Variants in ATRN observed in about 807,000 individuals in gnomAD.
The protein encoded by ATRN is attractin.
ATRN carries 54 observed loss-of-function variants against 178.7 expected under a neutral mutation model. The ratio of observed to expected loss-of-function variants is 0.30; its 90% CI spans 0.24 to 0.38. The LOEUF (loss-of-function observed/expected upper bound fraction) is 0.38, where lower values mean the gene tolerates loss of function less well. Ranked by LOEUF, ATRN falls within the 10% of genes least tolerant of loss-of-function variation. ATRN has a pLI of 1.00. For missense variants in ATRN, 1,443 were observed against 1,815.1 expected, an observed-to-expected ratio of 0.79 and a Z score of 3.73; for synonymous variants, 636 against 663.0, an observed-to-expected ratio of 0.96 and a Z score of 0.63.
intron 1 of ATRN, among the ~76,000 whole-genome samples, chr20:3,491,651 C>G (rs2084795669): frequency 6.6e-6 from 1 of 152,128 alleles, no homozygotes; most frequent in South Asian, 2.1e-4. Context: ...TATTCCAAGC[C>G]TGTTTGACCC....
At chr20:3,520,882 A>G (rs1387434841) in intron 1 of ATRN, among the ~76,000 whole-genome samples, 1 of 152,262 alleles carries the variant, frequency 6.6e-6, no homozygotes, top group Non-Finnish European at 1.5e-5. Flanking sequence ...ATAGATGGAA[A>G]GAACAAAATT....
intron 1 of ATRN, among the ~76,000 whole-genome samples, chr20:3,487,816 T>C (rs2084717547): frequency 1.3e-5 from 2 of 152,186 alleles, no homozygotes; most frequent in Non-Finnish European, 1.5e-5. Context: ...TATGAAGTCA[T>C]TGGGAGGGAT....
rs1404855831 is a variant in ATRN, at chr20:3,650,406, T to A, written c.*3559T>A. The stretch of plus-strand genomic sequence containing the variant: ...TAGAATTAAAACAAAATCCAAGTCC[T>A]CACACCCCTGTCATCCCAGGAGATC... On this transcript the variant is annotated 3_prime_UTR_variant, in exon 29 of 29. Coordinates refer to ENST00000262919, the MANE Select transcript of ATRN (RefSeq NM_139321.3). The A allele has an allele frequency of 6.6e-6, 1 of 152,650 alleles. No homozygotes were observed. Among genetic ancestry groups the A allele is most frequent in the East Asian group, 1.9e-4 (1 of 5,194 alleles). The allele number at this position is 152,650 out of a possible 1,614,324, so 9.5% of individuals were successfully genotyped here.
intron 24 of ATRN, among the ~76,000 whole-genome samples, chr20:3,612,385 T>A (rs971762087): frequency 6.6e-6 from 1 of 152,222 alleles, no homozygotes; most frequent in African/African-American, 2.4e-5. Flanking sequence ...CTCTGACTTC[T>A]TAGGACTCTG....
At chr20:3,483,740 C>T (rs1241456375) in intron 1 of ATRN, among the ~76,000 whole-genome samples, 5 of 152,024 alleles carry the variant, frequency 3.3e-5, no homozygotes, top group East Asian at 3.9e-4. Flanking sequence ...TCCAAAATAA[C>T]TGAAATTCTT....
At chr20:3,503,718 G>A (rs1006842551) in intron 1 of ATRN, among the ~76,000 whole-genome samples, 2 of 152,096 alleles carry the variant, frequency 1.3e-5, no homozygotes, top group Non-Finnish European at 2.9e-5. Flanking sequence ...GACTTGTGGG[G>A]CAATAACAAA....
intron 24 of ATRN, 52 bp downstream of exon 24, chr20:3,604,314 G>A (rs2086651223): frequency 6.6e-7 from 1 of 1,521,680 alleles, no homozygotes; most frequent in Non-Finnish European, 8.8e-7. Context: ...AATCTCTTTA[G>A]TAAGACTAAA....
intron 24 of ATRN, among the ~76,000 whole-genome samples, chr20:3,612,938 G>A (rs574880205): frequency 5.9e-5 from 9 of 152,254 alleles, no homozygotes; most frequent in East Asian, 1.9e-4. Context: ...TGCCAATGCC[G>A]AGTTTTTTTC....
chr20:3,594,835 T>A (rs1010162223), intron 20 of ATRN, among the ~76,000 whole-genome samples: 9 of 152,190 alleles, frequency 5.9e-5, no homozygotes, highest in African/African-American at 2.2e-4. Flanking sequence ...TCCTGGGTTG[T>A]CCATTTGGAG....
chr20:3,611,834 A>G (rs2086771346), intron 24 of ATRN, among the ~76,000 whole-genome samples: 1 of 152,232 alleles, frequency 6.6e-6, no homozygotes, highest in African/African-American at 2.4e-5. Flanking sequence ...AATTAAAAAT[A>G]GTAATAACAC....
chr20:3,583,323 C>T (rs920470771), intron 16 of ATRN, among the ~76,000 whole-genome samples: 12 of 152,228 alleles, frequency 7.9e-5, no homozygotes, highest in African/African-American at 2.9e-4. Flanking sequence ...TTCTAAGGGG[C>T]TTACAGCCCT....
At chr20:3,489,377 A>G (rs1490828316) in intron 1 of ATRN, among the ~76,000 whole-genome samples, 1 of 152,198 alleles carries the variant, frequency 6.6e-6, no homozygotes, top group Non-Finnish European at 1.5e-5. Context: ...CAGCCCTGCA[A>G]TCTGCCAGCA....
chr20:3,594,653 C>G lies in ATRN; in HGVS notation c.3416+81C>G, dbSNP rs1270689012. On this transcript the variant is annotated intron_variant, in intron 20 of 28. Transcript: ENST00000262919. ...TGAACCCCACCCTGAGAGCCACCCA[C>G]TTCCCTGTGTCTTGTTGCTGTGGGC... is the stretch of plus-strand genomic sequence containing the variant. The G allele has an allele frequency of 3.4e-6, 4 of 1,168,022 alleles. No individual in the cohort carries two copies. The African/African-American group carries it at 4.6e-5, about 13-fold the overall frequency. 72.4% of individuals were successfully genotyped at this position (1,168,022 alleles called of 1,614,324 possible).
chr20:3,559,441 C>A lies in ATRN; in HGVS notation c.1161C>A (p.Asn387Lys). The A allele has an allele frequency of 3.1e-6, 5 of 1,613,922 alleles. No homozygotes were observed. The highest frequency in any genetic ancestry group is 4.2e-6 in the Non-Finnish European group (5 of 1,179,858). ...GGCTTCCACTAAACCGTTCTGTGAA[C>A]AATGTGGTTGTTAGATATGGTCATT... ...REWLPLNRSV[N>K]NVVVRYGHSL... is the part of the protein sequence containing the mutation. The change falls in exon 7 of 29, where the codon AAC (asparagine) becomes AAA (lysine). Residue 387 changes from asparagine to lysine, a missense_variant. By Grantham distance (94) the Asn-to-Lys change is moderately conservative. Transcript: ENST00000262919.
chr20:3,565,383 C>T lies in ATRN; in HGVS notation c.1822C>T (p.Leu608Phe). The T allele has an allele frequency of 6.2e-7, 1 of 1,614,146 alleles. No individual in the cohort carries two copies. ...DRWSVLPRPD[L>F]HHDVNRFGHS... Reference sequence around the variant, plus strand: ...CTGGTCAGTGCTTCCCAGACCTGATCTCCACCATGATGTCAACAGATTTGG... The same window carrying T: ...CTGGTCAGTGCTTCCCAGACCTGATTTCCACCATGATGTCAACAGATTTGG... The change falls in exon 11 of 29, where the codon CTC becomes TTC. Residue 608 changes from leucine to phenylalanine, a missense_variant. Transcript: ENST00000262919.
At chr20:3,476,427 T>A (rs1000394001) in intron 1 of ATRN, among the ~76,000 whole-genome samples, 22 of 152,240 alleles carry the variant, frequency 1.4e-4, no homozygotes, top group Admixed American at 1.3e-3. Context: ...ACTGACCTAA[T>A]TCCAACAAAC....
intron 1 of ATRN, among the ~76,000 whole-genome samples, chr20:3,500,691 TG>T (rs1223164600): frequency 7.1e-5 from 5 of 70,486 alleles, no homozygotes; most frequent in Non-Finnish European, 1.3e-4. Flanking sequence ...TGTTGTGGGG[TG>T]GGGGGAGGGG....
At chr20:3,605,612 G>A (rs2086666442) in intron 24 of ATRN, among the ~76,000 whole-genome samples, 1 of 152,188 alleles carries the variant, frequency 6.6e-6, no homozygotes, top group Non-Finnish European at 1.5e-5. Context: ...GCAGGGACAT[G>A]GATGGAGCTG....
At chr20:3,603,094 C>T (rs1428228908) in intron 23 of ATRN, among the ~76,000 whole-genome samples, 12 of 149,912 alleles carry the variant, frequency 8.0e-5, no homozygotes, top group Middle Eastern at 3.5e-3. Flanking sequence ...TAATCTTTAT[C>T]GGCACTTGAA....
Sources: allele counts gnomAD v4.1 joint callset (sites outside exome capture counted in the v4.1 genomes callset), GRCh38; gene constraint gnomAD v4.1.1; transcripts MANE v1.5; gene names NCBI Gene and HGNC (gene_info 2026-07-23, HGNC 2026-07-21).